The following UFL1 variants were observed in gnomAD, a reference collection of about 807,000 sequenced individuals.
UFL1 encodes E3 UFM1-protein ligase 1.
UFL1 carries 78 observed loss-of-function variants against 99.3 expected under a neutral mutation model. That is an observed-to-expected ratio of 0.79 (90% CI 0.65 to 0.95). The LOEUF is 0.95. UFL1 is among the 40% of genes least tolerant of loss of function. The probability of loss-of-function intolerance (pLI) is 0.00; values close to 1 mark genes in which losing one functional copy is unlikely to be tolerated. For synonymous variants in UFL1, 335 were observed against 322.2 expected (o/e 1.04, Z -0.42); for missense variants, 936 against 937.0 (o/e 1.00, Z 0.01).
chr6:96,548,976 T>TA (rs943042136), intron 13 of UFL1, among the ~76,000 whole-genome samples: 4 of 151,748 alleles, frequency 2.6e-5, no homozygotes, highest in African/African-American at 9.6e-5. Flanking sequence ...TTTTCACATG[T>TA]AAAAAAATGA....
chr6:96,523,601 T>C (rs964031238), intron 2 of UFL1, among the ~76,000 whole-genome samples: 34 of 152,202 alleles, frequency 2.2e-4, no homozygotes, highest in South Asian at 8.4e-4. Flanking sequence ...GGTATTCAGC[T>C]GCCTTTTATT....
At chr6:96,529,715 G>A (rs1409138798) in intron 6 of UFL1, among the ~76,000 whole-genome samples, 2 of 151,918 alleles carry the variant, frequency 1.3e-5, no homozygotes, top group South Asian at 2.1e-4. Context: ...GTCATCTTAG[G>A]TGATTTCACA....
Position 96,536,353 on chromosome 6 carries a change from T to C in UFL1, c.765T>C (p.Thr255=). ...ACATCTACTCCAGGACACAGAGTAC[T>C]TGGGTGGATTCCTTTTTCAGGCAGA... ...VPDIYSRTQS[T]WVDSFFRQNG... Residue 255 remains threonine (T), a synonymous_variant, in exon 8 of 19, where the codon ACT becomes ACC. Transcript: ENST00000369278. 1 of 1,608,142 alleles carries C rather than the reference T, an allele frequency of 6.2e-7. No homozygotes were observed. Among genetic ancestry groups the C allele is most frequent in the Non-Finnish European group, 8.5e-7 (1 of 1,176,036 alleles).
intron 6 of UFL1, among the ~76,000 whole-genome samples, chr6:96,531,623 G>A (rs1020934667): frequency 1.2e-4 from 18 of 152,114 alleles, no homozygotes; most frequent in African/African-American, 3.9e-4. Flanking sequence ...TGGTAGGAAT[G>A]GAGAGGGATT....
chr6:96,551,975 C>T, intron 17 of UFL1, 52 bp downstream of exon 17: 6 of 1,353,698 alleles, frequency 4.4e-6, no homozygotes, highest in Non-Finnish European at 6.3e-6. Flanking sequence ...TGGAGCCTTT[C>T]ATATCTGAAA....
intron 3 of UFL1, 27 bp from the exon 4 acceptor site, chr6:96,525,270 T>G: frequency 6.9e-7 from 1 of 1,448,390 alleles, no homozygotes; most frequent in Non-Finnish European, 9.6e-7. Flanking sequence ...AAACTAATCA[T>G]TAATAGATTT....
At chr6:96,553,245 G>A (rs776818109) in intron 18 of UFL1, 40 bp from the exon 19 acceptor site, 1 of 1,575,564 alleles carries the variant, frequency 6.3e-7, no homozygotes, top group East Asian at 2.3e-5. Flanking sequence ...TCCACAAAAA[G>A]ATAAATTGTG....
chr6:96,532,066 A>G (rs1769790454), intron 6 of UFL1, among the ~76,000 whole-genome samples: 1 of 152,226 alleles, frequency 6.6e-6, no homozygotes, highest in Non-Finnish European at 1.5e-5. Context: ...CAGAGAGAAG[A>G]GCAGGAAGCA....
chr6:96,531,260 C>T (rs1203593179), intron 6 of UFL1, among the ~76,000 whole-genome samples: 1 of 152,174 alleles, frequency 6.6e-6, no homozygotes, highest in East Asian at 1.9e-4. Flanking sequence ...TGTACATACA[C>T]CCCTCTATAC....
chr6:96,549,696 A>G lies in UFL1; in HGVS notation c.1715A>G (p.His572Arg). The G allele has an allele frequency of 1.2e-6, 2 of 1,611,844 alleles. No individual in the cohort carries two copies. The highest frequency in any genetic ancestry group is 1.7e-6 in the Non-Finnish European group (2 of 1,178,762). Residue 572 changes from histidine (H) to arginine (R), a missense_variant, in exon 15 of 19, where the codon CAC becomes CGC. Coordinates refer to ENST00000369278, the MANE Select transcript of UFL1 (RefSeq NM_015323.5). ...ADDTQAALTK[H>R]LLKSVCTDIT... ...GACACACAGGCTGCTCTTACCAAAC[A>G]CTTGCTGAAGTCAGTGTGTACTGAT...
chr6:96,553,246 A>T (rs1742549650), intron 18 of UFL1, 39 bp from the exon 19 acceptor site: 1 of 1,574,306 alleles, frequency 6.4e-7, no homozygotes, highest in Non-Finnish European at 8.7e-7. Context: ...CCACAAAAAG[A>T]TAAATTGTGT....
chr6:96,535,206 G>A (rs558692697), intron 7 of UFL1, among the ~76,000 whole-genome samples: 4 of 152,002 alleles, frequency 2.6e-5, no homozygotes, highest in South Asian at 2.1e-4. Flanking sequence ...AATTTACTCA[G>A]CATTGCAATT....
Position 96,552,595 on chromosome 6 carries a change from G to A in UFL1, c.2099G>A (p.Ser700Asn). The A allele has an allele frequency of 1.2e-6, 2 of 1,613,066 alleles. No homozygotes were observed. The highest frequency in any genetic ancestry group is 1.1e-5 in the South Asian group (1 of 91,010). The change falls in exon 18 of 19, where the codon AGC becomes AAC. Residue 700 changes from serine to asparagine, a missense_variant. Transcript: ENST00000369278. ...CTGTTGTTTCAGTTTTCAACCCACA[G>A]CATGCTCCATGCACCTGGAAGATGT... The part of the protein sequence containing the change: ...SVLLFQFSTH[S>N]MLHAPGRCVP...
At chr6:96,527,378 A>G (rs1769719421) in intron 5 of UFL1, among the ~76,000 whole-genome samples, 1 of 152,152 alleles carries the variant, frequency 6.6e-6, no homozygotes, top group African/African-American at 2.4e-5. Context: ...AAACTAAATA[A>G]TGCTAGTTCT....
chr6:96,533,253 G>A (rs1368561622), intron 6 of UFL1, among the ~76,000 whole-genome samples: 1 of 151,378 alleles, frequency 6.6e-6, no homozygotes, highest in Non-Finnish European at 1.5e-5. Context: ...AGTCATAGGA[G>A]TCCACCCCAA....
chr6:96,540,570 A>G lies in UFL1; in HGVS notation c.1194A>G (p.Glu398=). ...MKNNPVHLIT[E]EDLKQISTLE... ...ATAATCCTGTGCATTTAATCACTGA[A>G]GAAGATCTGAAACAAATCTCCACTT... The change falls in exon 11 of 19, where the codon GAA becomes GAG. Residue 398 remains glutamate (E), a synonymous_variant. Transcript: ENST00000369278. The G allele has an allele frequency of 6.2e-7, 1 of 1,606,912 alleles. No homozygotes were observed. Among genetic ancestry groups the G allele is most frequent in the Non-Finnish European group, 8.5e-7 (1 of 1,176,380 alleles).
intron 7 of UFL1, among the ~76,000 whole-genome samples, chr6:96,535,224 T>G (rs1188035067): frequency 6.6e-6 from 1 of 151,994 alleles, no homozygotes; most frequent in Non-Finnish European, 1.5e-5. Flanking sequence ...ATTTTAAAAT[T>G]CATGCACAAA....
intron 7 of UFL1, among the ~76,000 whole-genome samples, chr6:96,535,579 C>G (rs1389190572): frequency 6.6e-6 from 1 of 151,956 alleles, no homozygotes; most frequent in Non-Finnish European, 1.5e-5. Flanking sequence ...ATCCCCATTT[C>G]ACAGATACGG....
At chr6:96,544,029 A>G (rs918292116) in intron 12 of UFL1, among the ~76,000 whole-genome samples, 2 of 151,108 alleles carry the variant, frequency 1.3e-5, no homozygotes, top group Non-Finnish European at 3.0e-5. Context: ...AATTTTTCCT[A>G]TTGATTATTA....
Sources: allele counts gnomAD v4.1 joint callset (sites outside exome capture counted in the v4.1 genomes callset), GRCh38; gene constraint gnomAD v4.1.1; transcripts MANE v1.5; gene names NCBI Gene and HGNC (gene_info 2026-07-23, HGNC 2026-07-21).